Variants in GRM1 observed in about 807,000 individuals in gnomAD.
The protein encoded by GRM1 is metabotropic glutamate receptor 1.
A neutral mutation model predicts 90.9 loss-of-function variants in GRM1; 33 were observed. The observed-to-expected ratio is 0.36, with a 90% CI of 0.28 to 0.49. The LOEUF (loss-of-function observed/expected upper bound fraction) is 0.49. Ranked by LOEUF, GRM1 falls within the 20% of genes least tolerant of loss-of-function variation. The pLI, the probability that GRM1 is intolerant of heterozygous loss-of-function variation, is 0.99. For synonymous variants in GRM1, 700 were observed against 613.2 expected (o/e 1.14, Z -2.09); for missense variants, 1,190 against 1,534.3 (o/e 0.78, Z 3.75).
chr6:146,434,236 C>A lies in GRM1; in HGVS notation c.3025C>A (p.Leu1009Ile). The part of the protein sequence containing the change: ...ETPLFLAEPA[L>I]PKGLPPPLQQ... ...CCCCCTCTTCCTGGCCGAACCAGCC[C>A]TCCCCAAGGGCTTGCCCCCTCCTCT... The change falls in exon 8 of 8, where the codon CTC becomes ATC. Residue 1009 changes from leucine (L) to isoleucine (I), a missense_variant. By Grantham distance (5) the Leu-to-Ile change is conservative (BLOSUM62 2). This residue lies in a region of GRM1 where 400 missense variants were observed against 360.8 expected (regional missense o/e 1.11). Coordinates refer to ENST00000282753, the MANE Select transcript of GRM1 (RefSeq NM_001278064.2). 1 of 1,605,148 alleles carries A rather than the reference C, an allele frequency of 6.2e-7. No homozygotes were observed. Among genetic ancestry groups the A allele is most frequent in the Non-Finnish European group, 8.5e-7 (1 of 1,174,310 alleles).
intron 2 of GRM1, among the ~76,000 whole-genome samples, chr6:146,253,873 A>C (rs1310472500): frequency 6.6e-6 from 1 of 152,218 alleles, no homozygotes; most frequent in Non-Finnish European, 1.5e-5. Context: ...TTTGAGTCAC[A>C]GGGATACAGG....
chr6:146,254,040 G>A (rs966920304), intron 2 of GRM1, among the ~76,000 whole-genome samples: 2 of 151,998 alleles, frequency 1.3e-5, no homozygotes, highest in East Asian at 1.9e-4. Flanking sequence ...GTATGTATAA[G>A]TTTGAGGGTC....
chr6:146,033,180 G>A (rs1790767019), intron 1 of GRM1, among the ~76,000 whole-genome samples: 1 of 152,038 alleles, frequency 6.6e-6, no homozygotes, highest in Admixed American at 6.6e-5. Flanking sequence ...CTGTCAAGGG[G>A]GAGGCAGGAT....
intron 1 of GRM1, among the ~76,000 whole-genome samples, chr6:146,150,694 C>T (rs919799544): frequency 1.3e-5 from 2 of 152,036 alleles, no homozygotes; most frequent in African/African-American, 4.8e-5. Context: ...TAACCAACCC[C>T]TCTTTATCTT....
intron 3 of GRM1, among the ~76,000 whole-genome samples, chr6:146,310,568 G>C (rs1783737353): frequency 6.6e-6 from 1 of 152,128 alleles, no homozygotes; most frequent in African/African-American, 2.4e-5. Context: ...TTGAAATATG[G>C]CTTTGTAGCA....
At chr6:146,239,099 C>T (rs1780756233) in intron 2 of GRM1, among the ~76,000 whole-genome samples, 1 of 152,122 alleles carries the variant, frequency 6.6e-6, no homozygotes, top group Admixed American at 6.6e-5. Context: ...TATAAATACT[C>T]ACCATTGTGG....
intron 5 of GRM1, among the ~76,000 whole-genome samples, chr6:146,369,553 T>C (rs1030886969): frequency 1.1e-4 from 16 of 152,046 alleles, no homozygotes; most frequent in African/African-American, 3.9e-4. Flanking sequence ...TTTTAAATTT[T>C]CTTCTTAATT....
chr6:146,381,067 C>T (rs981233814), intron 5 of GRM1, among the ~76,000 whole-genome samples: 1 of 152,128 alleles, frequency 6.6e-6, no homozygotes, highest in Non-Finnish European at 1.5e-5. Flanking sequence ...TTTGGAGCTA[C>T]CAGCTGTACA....
chr6:146,287,023 C>A (rs962110874), intron 2 of GRM1, among the ~76,000 whole-genome samples: 5 of 152,130 alleles, frequency 3.3e-5, no homozygotes, highest in Non-Finnish European at 7.4e-5. Flanking sequence ...TGTGGACAGG[C>A]AATTCAATCA....
chr6:146,247,746 A>C (rs1216945915), intron 2 of GRM1, among the ~76,000 whole-genome samples: 2 of 140,236 alleles, frequency 1.4e-5, no homozygotes, highest in East Asian at 4.2e-4. Flanking sequence ...GCAAGACTCC[A>C]TCTCAAAAAA....
At chr6:146,065,863 A>G (rs1356418977) in intron 1 of GRM1, among the ~76,000 whole-genome samples, 1 of 152,198 alleles carries the variant, frequency 6.6e-6, no homozygotes, top group African/African-American at 2.4e-5. Context: ...CTATTTTGCA[A>G]AAGAGATGTT....
intron 2 of GRM1, among the ~76,000 whole-genome samples, chr6:146,281,035 T>C (rs1319457314): frequency 6.6e-6 from 1 of 152,210 alleles, no homozygotes; most frequent in Non-Finnish European, 1.5e-5. Context: ...TGTTTATAGG[T>C]AACTTACTGT....
At chr6:146,073,205 G>A (rs1047709607) in intron 1 of GRM1, among the ~76,000 whole-genome samples, 2 of 152,086 alleles carry the variant, frequency 1.3e-5, no homozygotes, top group African/African-American at 4.8e-5. Context: ...GAGAAATGAT[G>A]GATCTGTAGG....
At chr6:146,391,115 T>C (rs1404820333) in intron 6 of GRM1, among the ~76,000 whole-genome samples, 1 of 152,130 alleles carries the variant, frequency 6.6e-6, no homozygotes, top group Non-Finnish European at 1.5e-5. Flanking sequence ...TATTTCTTAA[T>C]TTATGTTAAA....
intron 2 of GRM1, among the ~76,000 whole-genome samples, chr6:146,232,614 T>A (rs1252113571): frequency 6.6e-6 from 1 of 152,034 alleles, no homozygotes; most frequent in African/African-American, 2.4e-5. Context: ...TATCAAATAA[T>A]ATGTCTTATT....
intron 1 of GRM1, among the ~76,000 whole-genome samples, chr6:146,086,641 G>A (rs1323945613): frequency 1.3e-5 from 2 of 151,938 alleles, no homozygotes; most frequent in Admixed American, 6.6e-5. Context: ...TCTCTCGGGG[G>A]AGAAGATCAT....
At chr6:146,101,182 A>AAAG (rs1777038536) in intron 1 of GRM1, among the ~76,000 whole-genome samples, 4 of 152,174 alleles carry the variant, frequency 2.6e-5, no homozygotes, top group Non-Finnish European at 5.9e-5. Flanking sequence ...AGTCTTCTTT[A>AAAG]ATGTAATTTA....
intron 1 of GRM1, among the ~76,000 whole-genome samples, chr6:146,151,234 A>G (rs1219031773): frequency 2.0e-5 from 3 of 152,232 alleles, no homozygotes; most frequent in Admixed American, 2.0e-4. Context: ...CAGATTCTCC[A>G]AAGGAAAACC....
intron 2 of GRM1, among the ~76,000 whole-genome samples, chr6:146,242,050 A>G (rs1457482507): frequency 6.6e-6 from 1 of 152,092 alleles, no homozygotes; most frequent in Admixed American, 6.6e-5. Flanking sequence ...CTGAAAAGGA[A>G]TAGTATTCCA....
Sources: gnomAD v4.1 joint callset for allele counts (sites outside exome capture counted in the v4.1 genomes callset) on GRCh38, gnomAD v4.1.1 for gene constraint, gnomAD v4.1.1 regional missense constraint, MANE v1.5 for transcripts, NCBI Gene and HGNC (gene_info 2026-07-23, HGNC 2026-07-21) for gene names.